STX2: variants seen among roughly 807,000 people sequenced by gnomAD.
STX2 encodes syntaxin-2.
In STX2, 27 loss-of-function variants were observed where a neutral mutation model predicts 40.6. The observed-to-expected ratio is 0.66, with a 90% CI of 0.49 to 0.92. The LOEUF (loss-of-function observed/expected upper bound fraction) is 0.92. STX2 is among the 40% of genes least tolerant of loss of function. STX2 has a pLI of 0.00. For synonymous variants in STX2, 123 were observed against 119.1 expected (o/e 1.03, Z -0.22); for missense variants, 328 against 366.1 (o/e 0.90, Z 0.85).
chr12:130,828,223 ACT>A (rs1952399497), intron 1 of STX2, among the ~76,000 whole-genome samples: 1 of 151,456 alleles, frequency 6.6e-6, no homozygotes, highest in Admixed American at 6.6e-5. Flanking sequence ...TCTAGTCCCT[ACT>A]CTTTTTTTTT....
intron 3 of STX2, among the ~76,000 whole-genome samples, chr12:130,813,595 G>C (rs985167421): frequency 1.3e-5 from 2 of 152,152 alleles, no homozygotes; most frequent in African/African-American, 4.8e-5. Context: ...TGGAGGCAGG[G>C]GCCGGCCTCC....
intron 1 of STX2, 136 bp downstream of exon 1, chr12:130,838,934 G>T: frequency 1.2e-6 from 1 of 843,412 alleles, no homozygotes; most frequent in Non-Finnish European, 1.5e-6. Context: ...CCTGCCCGCA[G>T]CCCCCGCCCC....
At chr12:130,812,540 C>G (rs930592969) in intron 4 of STX2, 4 of 278,352 alleles carry the variant, frequency 1.4e-5, no homozygotes, top group South Asian at 9.4e-5. Context: ...TCTACCAAAT[C>G]GAGAAAAAGC....
In STX2 at chr12:130,791,833, C is replaced by A; in HGVS notation, c.*190G>T. 2 of 1,362,194 alleles carry A rather than the reference C, an allele frequency of 1.5e-6. No homozygotes were observed. The highest frequency in any genetic ancestry group is 1.0e-6 in the Non-Finnish European group (1 of 956,246). The allele number at this position is 1,362,194 out of a possible 1,614,324, so 84.4% of individuals were successfully genotyped here. A position where few individuals can be genotyped will look rare whatever the true frequency, so the allele number is the denominator to read the frequency against. ...CGTCTGAGATTCATTCACGAAATGA[C>A]AGGATGCTGATTTGGTTGCAGATGT... On this transcript the variant is annotated 3_prime_UTR_variant, in exon 11 of 11. Transcript: ENST00000392373.
intron 6 of STX2, among the ~76,000 whole-genome samples, chr12:130,802,239 C>T (rs969231916): frequency 3.9e-5 from 6 of 152,214 alleles, no homozygotes; most frequent in Non-Finnish European, 7.3e-5. Context: ...ACTCTGTCGC[C>T]CAGCCTGGAG....
intron 10 of STX2, among the ~76,000 whole-genome samples, chr12:130,793,136 A>G (rs1950926595): frequency 6.6e-6 from 1 of 152,180 alleles, no homozygotes; most frequent in South Asian, 2.1e-4. Flanking sequence ...CGGCTCAGTC[A>G]GTTATACAGG....
chr12:130,792,061 G>A (rs1950892639), intron 10 of STX2, 84 bp from the exon 11 acceptor site: 2 of 919,402 alleles, frequency 2.2e-6, no homozygotes, highest in African/African-American at 3.4e-5. Flanking sequence ...CTGGGATTTG[G>A]GATAGTTTAA....
chr12:130,837,742 G>A (rs1017846276), intron 1 of STX2, among the ~76,000 whole-genome samples: 1 of 152,092 alleles, frequency 6.6e-6, no homozygotes, highest in African/African-American at 2.4e-5. Flanking sequence ...ATAAATACCT[G>A]AGCTCCTACT....
rs1297990531 is a variant in STX2 at position 130,839,195 on chromosome 12, G to C, written c.-96C>G. On this transcript the variant is annotated 5_prime_UTR_variant, in exon 1 of 11. Transcript: ENST00000392373. ...CTCCGGTCTCCGCCTCAGGCCCCGCGGTCCCGGCCCGGCGCCAGCAGCCCT... is the reference window on the plus strand; with the variant it reads ...CTCCGGTCTCCGCCTCAGGCCCCGCCGTCCCGGCCCGGCGCCAGCAGCCCT... 13 of 1,061,088 alleles carry C rather than the reference G, an allele frequency of 1.2e-5. No individual in the cohort carries two copies. In the African/African-American group the frequency reaches 2.0e-4, roughly 17 times the overall value. 65.7% of individuals were successfully genotyped at this position (1,061,088 alleles called of 1,614,324 possible).
chr12:130,796,065 A>G lies in STX2; in HGVS notation c.842T>C (p.Ile281Thr), dbSNP rs1951018880. Residue 281 changes from isoleucine to threonine, a missense_variant, in exon 10 of 11, where the codon ATT becomes ACT. By Grantham distance (89) the Ile-to-Thr change is moderately conservative. Transcript: ENST00000392373. ...TCATTTGCCAACTGACAAGCCAATA[A>G]TTAGAGCGATTATGGCAACCAGAAC... ...SVVLVAIIAL[I>T]IGLSVGK 1 of 1,614,226 alleles carries G rather than the reference A, an allele frequency of 6.2e-7. No individual in the cohort carries two copies. Among genetic ancestry groups the G allele is most frequent in the Non-Finnish European group, 8.5e-7 (1 of 1,180,024 alleles).
chr12:130,818,857 G>A (rs1306906539), intron 3 of STX2, among the ~76,000 whole-genome samples: 2 of 152,198 alleles, frequency 1.3e-5, no homozygotes, highest in East Asian at 1.9e-4. Flanking sequence ...CCGTCCTGCA[G>A]GGGGAATCCC....
At chr12:130,825,583 G>A (rs1242541582) in intron 2 of STX2, among the ~76,000 whole-genome samples, 1 of 152,160 alleles carries the variant, frequency 6.6e-6, no homozygotes, top group Non-Finnish European at 1.5e-5. Context: ...GAAGTTCCTT[G>A]TAGCTAACAA....
Position 130,798,626 on chromosome 12 carries a change from T to C in STX2, c.685A>G (p.Ile229Val). The stretch of plus-strand genomic sequence containing the variant: ...ATAACATTTCTTTCTATGTTGTTGA[T>C]CATTTCACCCTTAAAACAAAAAGTT... The part of the protein sequence containing the change: ...AMFVETQGEM[I>V]NNIERNVMNA... The change falls in exon 9 of 11, where the codon ATC becomes GTC. Residue 229 changes from isoleucine (I) to valine (V), a missense_variant. Physicochemically the swap from Ile to Val is conservative, Grantham distance 29 (BLOSUM62 3). Transcript: ENST00000392373. 1 of 1,591,826 alleles carries C rather than the reference T, an allele frequency of 6.3e-7. No individual in the cohort carries two copies. Among genetic ancestry groups the C allele is most frequent in the Non-Finnish European group, 8.5e-7 (1 of 1,172,792 alleles).
At chr12:130,837,032 C>T (rs1034092906) in intron 1 of STX2, among the ~76,000 whole-genome samples, 1 of 151,988 alleles carries the variant, frequency 6.6e-6, no homozygotes, top group Non-Finnish European at 1.5e-5. Context: ...CGTACTTTCT[C>T]ACGATTCCCC....
intron 4 of STX2, among the ~76,000 whole-genome samples, chr12:130,808,924 G>A (rs1022267149): frequency 2.0e-5 from 3 of 152,116 alleles, no homozygotes; most frequent in African/African-American, 7.2e-5. Context: ...TGCAGTGCAG[G>A]GGCACAATCT....
chr12:130,818,072 G>A (rs1212913838), intron 3 of STX2, among the ~76,000 whole-genome samples: 2 of 149,976 alleles, frequency 1.3e-5, no homozygotes, highest in African/African-American at 2.5e-5. Context: ...GAGTACGCGC[G>A]GCTTCGTTTC....
intron 1 of STX2, among the ~76,000 whole-genome samples, chr12:130,832,849 C>G (rs995512681): frequency 6.6e-6 from 1 of 152,198 alleles, no homozygotes; most frequent in African/African-American, 2.4e-5. Context: ...GGCCTCTGGA[C>G]TTGCTGTGCC....
intron 9 of STX2, among the ~76,000 whole-genome samples, chr12:130,797,648 G>A (rs1951072887): frequency 1.3e-5 from 2 of 152,332 alleles, no homozygotes; most frequent in Non-Finnish European, 2.9e-5. Flanking sequence ...ACAAGGAGGT[G>A]ACAATGTGAA....
chr12:130,815,948 A>AC (rs1439821035), intron 3 of STX2, among the ~76,000 whole-genome samples: 8 of 152,186 alleles, frequency 5.3e-5, no homozygotes, highest in African/African-American at 1.9e-4. Context: ...AGTAAAGGGA[A>AC]CACAAAATGC....
Sources: gnomAD v4.1 joint callset for allele counts (sites outside exome capture counted in the v4.1 genomes callset) on GRCh38, gnomAD v4.1.1 for gene constraint, MANE v1.5 for transcripts, NCBI Gene and HGNC (gene_info 2026-07-23, HGNC 2026-07-21) for gene names.